Variants in PCBP3 observed in about 807,000 individuals in gnomAD.
PCBP3 encodes poly(rC)-binding protein 3.
In PCBP3, 25 loss-of-function variants were observed where a neutral mutation model predicts 52.7. That is an observed-to-expected ratio of 0.47 (90% CI 0.35 to 0.66). The LOEUF is 0.66. Among genes scored for constraint, PCBP3 ranks in the 30% least tolerant of loss-of-function variants. The pLI, the probability that PCBP3 is intolerant of heterozygous loss-of-function variation, is 0.01. For missense variants in PCBP3, 391 were observed against 490.3 expected (o/e 0.80, Z 1.91); for synonymous variants, 162 against 183.0 (o/e 0.89, Z 0.93).
intron 5 of PCBP3, among the ~76,000 whole-genome samples, chr21:45,886,418 T>C (rs1302802995): frequency 1.4e-5 from 2 of 138,740 alleles, no homozygotes; most frequent in Admixed American, 1.4e-4. Context: ...GGAGGCCTCA[T>C]TGCTGCGGGT....
chr21:45,664,768 C>G (rs1239281360), intron 1 of PCBP3, among the ~76,000 whole-genome samples: 1 of 120,158 alleles, frequency 8.3e-6, no homozygotes, highest in Non-Finnish European at 1.7e-5. Flanking sequence ...CCTCCCCCCT[C>G]CCCCCCACCC....
chr21:45,743,654 C>G (rs1255096456), intron 3 of PCBP3, among the ~76,000 whole-genome samples: 3 of 152,064 alleles, frequency 2.0e-5, no homozygotes, highest in African/African-American at 7.2e-5. Flanking sequence ...TTAAGGCTAG[C>G]ATAAGGGTTG....
At chr21:45,930,599 C>A (rs2076053314) in intron 14 of PCBP3, among the ~76,000 whole-genome samples, 187 bp from the exon 15 acceptor site, 1 of 152,194 alleles carries the variant, frequency 6.6e-6, no homozygotes, top group South Asian at 2.1e-4. Context: ...GTGGACAACC[C>A]CCCTCTCCCC....
At chr21:45,863,445 A>G (rs9637207) in intron 5 of PCBP3, among the ~76,000 whole-genome samples, 119,025 of 152,212 alleles carry the variant, frequency 0.78, 47,092 homozygotes, top group East Asian at 1. Flanking sequence ...CGTGTGTCCT[A>G]CAGGCTCGCC....
intron 2 of PCBP3, chr21:45,732,579 TG>T (rs1003732268): frequency 6.6e-6 from 1 of 152,168 alleles, no homozygotes; most frequent in Non-Finnish European, 1.5e-5. Context: ...TTTATTTATT[TG>T]TGGTTGGGGA....
chr21:45,746,180 T>G (rs369799140), intron 3 of PCBP3, among the ~76,000 whole-genome samples: 16 of 134,624 alleles, frequency 1.2e-4, no homozygotes, highest in South Asian at 7.4e-4. Flanking sequence ...CCACACGGTG[T>G]TGTCAGCATC....
chr21:45,644,893 C>T (rs1022144613), intron 1 of PCBP3, among the ~76,000 whole-genome samples: 4 of 152,206 alleles, frequency 2.6e-5, no homozygotes, highest in Admixed American at 2.0e-4. Context: ...CAAACTGTTG[C>T]CCTTTTTCTT....
At chr21:45,678,739 A>G (rs926294162) in intron 2 of PCBP3, among the ~76,000 whole-genome samples, 1 of 151,798 alleles carries the variant, frequency 6.6e-6, no homozygotes, top group African/African-American at 2.4e-5. Context: ...GATGCTGTGA[A>G]CATTGTTGAG....
rs989562942 is a variant in PCBP3 at position 45,802,799 on chromosome 21, G to A, written c.-125-47162G>A. ...GGAGGCAGGGATGGGAAGGGTCCCC[G>A]AGGGCCCTGAGCAGGGCTAACCCTA... is the stretch of plus-strand genomic sequence containing the variant. On this transcript the variant is annotated intron_variant, in intron 4 of 17. Transcript: ENST00000681687. The surrounding 1 kb of genome is among the most constrained non-coding windows in gnomAD (Gnocchi z 5.1). Among the ~76,000 whole-genome samples, 10 of 152,166 alleles carry A rather than the reference G, an allele frequency of 6.6e-5. No individual in the cohort carries two copies. The highest frequency in any genetic ancestry group is 3.3e-4 in the Admixed American group (5 of 15,276).
At chr21:45,764,840 G>A (rs17004804) in intron 4 of PCBP3, among the ~76,000 whole-genome samples, 5,902 of 151,910 alleles carry the variant, frequency 0.039, 383 homozygotes, top group African/African-American at 0.13. Flanking sequence ...AATTATAAGC[G>A]TGGAGACAGA....
intron 1 of PCBP3, among the ~76,000 whole-genome samples, chr21:45,646,074 TCTCTCTCTTTC>T: frequency 8.6e-6 from 1 of 115,726 alleles, no homozygotes; most frequent in African/African-American, 3.6e-5. Context: ...TCTCTCTCTC[TCTCTCTCTTTC>T]TCTCTCTCTC....
chr21:45,789,183 C>T (rs534128133), intron 4 of PCBP3, among the ~76,000 whole-genome samples: 5 of 152,094 alleles, frequency 3.3e-5, no homozygotes, highest in Admixed American at 1.3e-4. Flanking sequence ...TGCACACGTG[C>T]GTGTGCATGT....
chr21:45,781,550 TAC>T (rs2090635457), intron 4 of PCBP3, among the ~76,000 whole-genome samples: 1 of 152,120 alleles, frequency 6.6e-6, no homozygotes, highest in African/African-American at 2.4e-5. Context: ...TGGGAAATGG[TAC>T]AGTTACTTTG....
intron 2 of PCBP3, among the ~76,000 whole-genome samples, chr21:45,723,118 C>G (rs1350704556): frequency 6.6e-6 from 1 of 152,178 alleles, no homozygotes; most frequent in Non-Finnish European, 1.5e-5. Flanking sequence ...GGTGCTTTTA[C>G]AGATGTTTTT....
Position 45,917,279 on chromosome 21 carries a change from G to A in PCBP3, c.676-309G>A, listed in dbSNP as rs1569494966. The A allele has an allele frequency of 5.9e-6, 2 of 339,940 alleles. No individual in the cohort carries two copies. Among genetic ancestry groups the A allele is most frequent in the Non-Finnish European group, 1.1e-5 (2 of 185,790 alleles). 21.1% of individuals were successfully genotyped at this position (339,940 alleles called of 1,614,324 possible). ...AATAATTAGTGGAGACCTCTTACTGGGCAGATCACTCTTCGATTCTTTTGC... is the reference window on the plus strand; with the variant it reads ...AATAATTAGTGGAGACCTCTTACTGAGCAGATCACTCTTCGATTCTTTTGC... On this transcript the variant is annotated intron_variant, in intron 12 of 17. Coordinates refer to ENST00000681687, the MANE Select transcript of PCBP3 (RefSeq NM_001384156.1). This position sits in a 1 kb window ranked among gnomAD's most constrained non-coding sequence, Gnocchi z 5.3.
intron 13 of PCBP3, among the ~76,000 whole-genome samples, chr21:45,929,385 G>C (rs148947468): frequency 1.5e-3 from 225 of 152,336 alleles, no homozygotes; most frequent in African/African-American, 4.8e-3. Context: ...CCCCACCCCA[G>C]GTCACCTCAT....
At chr21:45,718,321 A>G (rs367865529) in intron 2 of PCBP3, among the ~76,000 whole-genome samples, 3 of 147,766 alleles carry the variant, frequency 2.0e-5, no homozygotes, top group Non-Finnish European at 4.5e-5. Flanking sequence ...TTCTATTTCT[A>G]TTTAGTTTCT....
At chr21:45,655,182 C>T (rs1169181490) in intron 1 of PCBP3, among the ~76,000 whole-genome samples, 1 of 152,038 alleles carries the variant, frequency 6.6e-6, no homozygotes, top group Non-Finnish European at 1.5e-5. Flanking sequence ...TACGAGTTTT[C>T]ATATGAATAT....
intron 16 of PCBP3, among the ~76,000 whole-genome samples, chr21:45,936,006 G>A (rs2076855793): frequency 6.6e-6 from 1 of 152,224 alleles, no homozygotes; most frequent in Admixed American, 6.5e-5. Context: ...TCCCTGTGTG[G>A]GCTGTGGAGG....
Sources: gnomAD v4.1 joint callset for allele counts (sites outside exome capture counted in the v4.1 genomes callset) on GRCh38, gnomAD v4.1.1 for gene constraint, Gnocchi (gnomAD v3.1) non-coding constraint, MANE v1.5 for transcripts, NCBI Gene and HGNC (gene_info 2026-07-23, HGNC 2026-07-21) for gene names.